Variants in RARB observed in about 807,000 individuals in gnomAD.
The protein encoded by RARB is HBV-activated protein.
A neutral mutation model predicts 51.9 loss-of-function variants in RARB; 17 were observed. The observed-to-expected ratio is 0.33, with a 90% confidence interval of 0.22 to 0.49. The LOEUF is 0.49. Ranked by LOEUF, RARB falls within the 20% of genes least tolerant of loss-of-function variation. The pLI, the probability that RARB is intolerant of heterozygous loss-of-function variation, is 0.99. For synonymous variants in RARB, 215 were observed against 195.4 expected, an observed-to-expected ratio of 1.10 and a Z score of -0.84; for missense variants, 369 against 550.8, an observed-to-expected ratio of 0.67 and a Z score of 3.30.
intron 3 of RARB, among the ~76,000 whole-genome samples, chr3:25,548,319 A>G (rs903285103): frequency 6.6e-6 from 1 of 152,172 alleles, no homozygotes; most frequent in African/African-American, 2.4e-5. Context: ...ACCCTGATTG[A>G]TTATCAGTCT....
At chr3:25,283,554 C>T (rs1158398167) in intron 5 of RARB, among the ~76,000 whole-genome samples, 1 of 152,164 alleles carries the variant, frequency 6.6e-6, no homozygotes, top group African/African-American at 2.4e-5. Context: ...AGAGGTGGCT[C>T]ATTGGAGTCT....
At chr3:25,491,053 A>G (rs1215273736) in intron 2 of RARB, among the ~76,000 whole-genome samples, 1 of 152,184 alleles carries the variant, frequency 6.6e-6, no homozygotes, top group Non-Finnish European at 1.5e-5. Flanking sequence ...CTGCACAGAA[A>G]TTCTTTGGGT....
intron 5 of RARB, among the ~76,000 whole-genome samples, chr3:25,294,338 C>T (rs915246786): frequency 3.3e-5 from 5 of 152,284 alleles, no homozygotes; most frequent in South Asian, 2.1e-4. Context: ...TAGTACTTAC[C>T]GCATGGCCTT....
At chr3:25,365,199 C>CTTTTTTT (rs3035063) in intron 5 of RARB, among the ~76,000 whole-genome samples, 29 of 75,444 alleles carry the variant, frequency 3.8e-4, no homozygotes, top group East Asian at 5.3e-4. Flanking sequence ...TTCTTTCTTT[C>CTTTTTTT]TTTTTTTTTT....
intron 2 of RARB, among the ~76,000 whole-genome samples, chr3:24,872,351 C>T (rs753326014): frequency 2.6e-5 from 4 of 152,184 alleles, no homozygotes; most frequent in Non-Finnish European, 5.9e-5. Context: ...TTTCCTAATC[C>T]CCTCATCTCT....
intron 2 of RARB, among the ~76,000 whole-genome samples, chr3:24,881,422 A>T (rs1020038236): frequency 2.6e-5 from 4 of 152,216 alleles, no homozygotes; most frequent in Non-Finnish European, 5.9e-5. Context: ...GAGAAAGAAT[A>T]GAGAAATTTC....
intron 4 of RARB, among the ~76,000 whole-genome samples, chr3:25,146,492 G>GTTTTTTTTTTTTTTTTTTTTT: frequency 7.9e-6 from 1 of 126,330 alleles, no homozygotes; most frequent in South Asian, 2.4e-4. Context: ...AATTTGCTAA[G>GTTTTTTTTTTTTTTTTTTTTT]TTTTTTGTTT....
chr3:25,170,451 G>A (rs79178280), intron 4 of RARB, among the ~76,000 whole-genome samples: 2,090 of 152,284 alleles, frequency 0.014, 47 homozygotes, highest in African/African-American at 0.048. Flanking sequence ...TCTCTCCGGT[G>A]GGGCCTGGAG....
At chr3:25,023,457 G>C (rs1418507391) in intron 2 of RARB, among the ~76,000 whole-genome samples, 1 of 152,156 alleles carries the variant, frequency 6.6e-6, no homozygotes, top group Admixed American at 6.5e-5. Context: ...AGGACTAATA[G>C]CTCAGTATGT....
At chr3:25,417,210 A>C (rs1559391926) in intron 5 of RARB, among the ~76,000 whole-genome samples, 1 of 151,794 alleles carries the variant, frequency 6.6e-6, no homozygotes, top group African/African-American at 2.4e-5. Context: ...AAAAAAAAAA[A>C]AAACTGCTGC....
chr3:25,260,372 T>C (rs1487022602), intron 5 of RARB, among the ~76,000 whole-genome samples: 1 of 152,130 alleles, frequency 6.6e-6, no homozygotes, highest in Non-Finnish European at 1.5e-5. Flanking sequence ...TCCCAGATTG[T>C]GTTAGCCTAC....
At chr3:25,216,660 C>G (rs185722849) in intron 5 of RARB, among the ~76,000 whole-genome samples, 2 of 150,964 alleles carry the variant, frequency 1.3e-5, no homozygotes, top group Admixed American at 1.3e-4. Context: ...CACATGTATA[C>G]TTATTGCAAC....
At chr3:25,541,077 A>G (rs1865614) in intron 3 of RARB, among the ~76,000 whole-genome samples, 18,211 of 152,256 alleles carry the variant, frequency 0.12, 1,729 homozygotes, top group African/African-American at 0.25. Flanking sequence ...TTTTTGGAAC[A>G]CAACCATGCC....
At chr3:25,273,310 G>A (rs925895140) in intron 5 of RARB, among the ~76,000 whole-genome samples, 16 of 152,148 alleles carry the variant, frequency 1.1e-4, no homozygotes, top group Non-Finnish European at 1.9e-4. Context: ...CAAGTCTTTT[G>A]AGCTGCTCAC....
At chr3:24,883,010 C>G (rs1016625994) in intron 2 of RARB, among the ~76,000 whole-genome samples, 2 of 152,046 alleles carry the variant, frequency 1.3e-5, no homozygotes, top group Non-Finnish European at 1.5e-5. Flanking sequence ...CTGCGTGCAG[C>G]ACTAAGGGGA....
chr3:24,839,337 T>C (rs1236308140), intron 1 of RARB, among the ~76,000 whole-genome samples: 1 of 151,998 alleles, frequency 6.6e-6, no homozygotes, highest in Middle Eastern at 3.2e-3. Context: ...GATTTATACT[T>C]TTTAGGTTTG....
intron 3 of RARB, among the ~76,000 whole-genome samples, chr3:25,540,321 T>C (rs1390857986): frequency 2.0e-5 from 3 of 152,192 alleles, no homozygotes; most frequent in Admixed American, 6.5e-5. Flanking sequence ...TTAGGCTTTT[T>C]AATCTTCCTA....
intron 3 of RARB, among the ~76,000 whole-genome samples, chr3:25,566,277 G>A (rs145593521): frequency 2.0e-4 from 30 of 152,190 alleles, no homozygotes; most frequent in Non-Finnish European, 3.8e-4. Context: ...TGTAATTGGG[G>A]CATCATCACC....
chr3:24,938,206 T>C (rs1239380556), intron 2 of RARB, among the ~76,000 whole-genome samples: 1 of 152,174 alleles, frequency 6.6e-6, no homozygotes, highest in Non-Finnish European at 1.5e-5. Flanking sequence ...TTGAACCATA[T>C]GAAATTGACA....
Sources: gnomAD v4.1 joint callset for allele counts (sites outside exome capture counted in the v4.1 genomes callset) on GRCh38, gnomAD v4.1.1 for gene constraint, MANE v1.5 for transcripts, NCBI Gene and HGNC (gene_info 2026-07-23, HGNC 2026-07-21) for gene names.